The following CLASP1 variants were observed in gnomAD, a reference collection of about 807,000 sequenced individuals.
CLASP1 encodes the protein CLIP-associating protein 1.
In CLASP1, 38 loss-of-function variants were observed where a neutral mutation model predicts 192.3. That is an observed-to-expected ratio of 0.20 (90% CI 0.15 to 0.26). The LOEUF is 0.26. Ranked by LOEUF, CLASP1 falls within the 10% of genes least tolerant of loss-of-function variation. The pLI is 1.00. For synonymous variants in CLASP1, 691 were observed against 712.8 expected (o/e 0.97, Z 0.49); for missense variants, 1,433 against 1,932.5 (o/e 0.74, Z 4.85).
At chr2:121,478,871 CCACACCACACACACACCA>C (rs1559368674) in intron 8 of CLASP1, among the ~76,000 whole-genome samples, 33 of 15,306 alleles carry the variant, frequency 2.2e-3, no homozygotes, top group South Asian at 6.2e-3. Flanking sequence ...CACACACACA[CCACACCACACACACACCA>C]CACACACACA....
At position 121,401,493 on chromosome 2, in the gene CLASP1, A is replaced by G; in HGVS notation, c.2900+16T>C. 6.3e-7 allele frequency: 1 copy of G among 1,592,902 alleles called. No individual in the cohort carries two copies. The highest frequency in any genetic ancestry group is 8.5e-7 in the Non-Finnish European group (1 of 1,171,826). ...ATCCTGTAACATCAAAATGGACCTA[A>G]CCCTTAAACACTTACCTTGTGACAT... On this transcript the variant is annotated intron_variant, in intron 28 of 39. Transcript: ENST00000263710.
chr2:121,478,905 CCACA>C (rs2092242335), intron 8 of CLASP1, among the ~76,000 whole-genome samples: 7 of 51,688 alleles, frequency 1.4e-4, no homozygotes, highest in African/African-American at 8.1e-4. Context: ...ACACACCACA[CCACA>C]CACACCACAC....
chr2:121,608,643 G>A (rs535087434), intron 1 of CLASP1, among the ~76,000 whole-genome samples: 12 of 152,214 alleles, frequency 7.9e-5, no homozygotes, highest in South Asian at 2.1e-4. Flanking sequence ...TAAGTGTAAG[G>A]AAACAAGCAG....
Position 121,621,742 on chromosome 2 carries a change from C to A in CLASP1, c.-285-15562G>T, listed in dbSNP as rs75004056. On this transcript the variant is annotated intron_variant, in intron 1 of 39. Coordinates refer to ENST00000263710, the Ensembl canonical transcript of CLASP1. ...GTAGTAAGTTATGAAAGTCCTCCAA[C>A]TTTTTTTCAAGATTGTTTTGGCAAT... Among the ~76,000 whole-genome samples the A allele has an allele frequency of 3.3e-3, 509 of 152,210 alleles. 3 individuals carry two copies. Among genetic ancestry groups the A allele is most frequent in the African/African-American group, 0.011 (469 of 41,540 alleles).
intron 1 of CLASP1, among the ~76,000 whole-genome samples, chr2:121,632,972 G>A (rs1382808706): frequency 6.8e-6 from 1 of 147,136 alleles, no homozygotes; most frequent in Non-Finnish European, 1.5e-5. Flanking sequence ...GGAGGTGTGT[G>A]TGTGTGTGTG....
intron 2 of CLASP1, among the ~76,000 whole-genome samples, chr2:121,536,617 T>TA (rs150069087): frequency 0.038 from 5,843 of 152,260 alleles, 156 homozygotes; most frequent in East Asian, 0.14. Context: ...AATGGAACTT[T>TA]AGGCCTTTTC....
At chr2:121,383,500 C>T (rs535090987) in intron 32 of CLASP1, among the ~76,000 whole-genome samples, 1 of 152,168 alleles carries the variant, frequency 6.6e-6, no homozygotes, top group African/African-American at 2.4e-5. Flanking sequence ...AGAACACCCA[C>T]CTCCGAGTGT....
chr2:121,545,952 T>C (rs768370371), intron 2 of CLASP1, among the ~76,000 whole-genome samples: 1 of 152,144 alleles, frequency 6.6e-6, no homozygotes, highest in Non-Finnish European at 1.5e-5. Flanking sequence ...TATAGTTCTA[T>C]AGAATGAGAG....
intron 32 of CLASP1, among the ~76,000 whole-genome samples, chr2:121,386,894 A>G (rs1179041204): frequency 6.6e-6 from 1 of 152,238 alleles, no homozygotes; most frequent in Non-Finnish European, 1.5e-5. Flanking sequence ...GTTTAGAGCT[A>G]CAAGAACGAG....
chr2:121,410,230 G>A (rs903839956), intron 24 of CLASP1, among the ~76,000 whole-genome samples: 11 of 152,022 alleles, frequency 7.2e-5, no homozygotes, highest in African/African-American at 2.7e-4. Flanking sequence ...TCTTTAAAAA[G>A]CAATCTGACC....
chr2:121,451,760 G>T, intron 15 of CLASP1, 30 bp downstream of exon 15: 1 of 1,548,656 alleles, frequency 6.5e-7, no homozygotes, highest in Non-Finnish European at 8.8e-7. Context: ...TCAATTCAGA[G>T]GGAAAAATGG....
At chr2:121,647,390 T>A (rs917866930) in intron 1 of CLASP1, among the ~76,000 whole-genome samples, 31 of 152,016 alleles carry the variant, frequency 2.0e-4, no homozygotes, top group Non-Finnish European at 2.2e-4. Context: ...TAAAAATAAA[T>A]AATAAATAAA....
At chr2:121,452,602 C>T (rs1381143180) in intron 14 of CLASP1, among the ~76,000 whole-genome samples, 1 of 151,960 alleles carries the variant, frequency 6.6e-6, no homozygotes, top group African/African-American at 2.4e-5. Flanking sequence ...ACCAGCCTGG[C>T]TAACATGGTG....
chr2:121,425,456 T>A, intron 21 of CLASP1, 150 bp from the exon 22 acceptor site: 4 of 630,412 alleles, frequency 6.3e-6, no homozygotes, highest in Non-Finnish European at 5.2e-6. Flanking sequence ...GTAATTTTTT[T>A]AAATGTAGGA....
At chr2:121,364,109 C>T (rs1647698559) in intron 36 of CLASP1, 1 of 152,082 alleles carries the variant, frequency 6.6e-6, no homozygotes, top group Non-Finnish European at 1.5e-5. Context: ...AAACAGATTA[C>T]TTATTACCAT....
chr2:121,525,081 T>C (rs2094544688), intron 6 of CLASP1, among the ~76,000 whole-genome samples: 1 of 152,168 alleles, frequency 6.6e-6, no homozygotes, highest in Admixed American at 6.5e-5. Context: ...ACTGACCATA[T>C]ATATTTCTCT....
intron 2 of CLASP1, among the ~76,000 whole-genome samples, chr2:121,564,240 C>A (rs191912205): frequency 1.3e-5 from 2 of 152,112 alleles, no homozygotes. Flanking sequence ...AAGGTGGCGG[C>A]GGGGTAGGGA....
intron 1 of CLASP1, among the ~76,000 whole-genome samples, chr2:121,621,860 GTT>G (rs2067418166): frequency 6.6e-6 from 1 of 152,038 alleles, no homozygotes; most frequent in Non-Finnish European, 1.5e-5. Context: ...TTGTTTGTTT[GTT>G]TATGAGACGG....
chr2:121,382,191 G>A lies in CLASP1; in HGVS notation c.3491+17C>T. ...ATATTGTGACACCTCAGACAAGTTT[G>A]ACAGGTAGCTTGTTACCTGGGAGAG... On this transcript the variant is annotated intron_variant, in intron 33 of 39. Coordinates refer to ENST00000263710, the Ensembl canonical transcript of CLASP1. 1 of 1,570,022 alleles carries A rather than the reference G, an allele frequency of 6.4e-7. No individual in the cohort carries two copies. Among genetic ancestry groups the A allele is most frequent in the Non-Finnish European group, 8.7e-7 (1 of 1,147,694 alleles).
Sources: allele counts gnomAD v4.1 joint callset (sites outside exome capture counted in the v4.1 genomes callset), GRCh38; gene constraint gnomAD v4.1.1; transcripts MANE v1.5; gene names NCBI Gene and HGNC (gene_info 2026-07-23, HGNC 2026-07-21).